Variants in UNC13C observed in about 807,000 individuals in gnomAD.
UNC13C encodes unc-13 homolog C.
UNC13C carries 174 observed loss-of-function variants against 245.4 expected under a neutral mutation model. The ratio of observed to expected loss-of-function variants is 0.71; its 90% CI spans 0.63 to 0.80. The LOEUF (loss-of-function observed/expected upper bound fraction) is 0.80, where lower values mean the gene tolerates loss of function less well. Ranked by LOEUF, UNC13C falls within the 30% of genes least tolerant of loss-of-function variation. The pLI is 0.00. For missense variants in UNC13C, 2,829 were observed against 2,602.9 expected (o/e 1.09, Z -1.89); for synonymous variants, 992 against 895.1 (o/e 1.11, Z -1.93).
chr15:54,569,339 T>G (rs577648052), intron 30 of UNC13C, among the ~76,000 whole-genome samples: 2 of 152,258 alleles, frequency 1.3e-5, no homozygotes, highest in African/African-American at 4.8e-5. Context: ...GTATAGGAGT[T>G]GCATATAACA....
At chr15:54,196,920 T>G (rs964204135) in intron 4 of UNC13C, among the ~76,000 whole-genome samples, 1 of 152,122 alleles carries the variant, frequency 6.6e-6, no homozygotes, top group Non-Finnish European at 1.5e-5. Context: ...AGAAAATGTA[T>G]CTATTATATC....
At chr15:54,285,924 C>G (rs540089050) in intron 10 of UNC13C, among the ~76,000 whole-genome samples, 1 of 152,128 alleles carries the variant, frequency 6.6e-6, no homozygotes, top group Admixed American at 6.6e-5. Context: ...GTCACCCAGG[C>G]TGGAGTGCAG....
intron 2 of UNC13C, among the ~76,000 whole-genome samples, chr15:54,133,253 A>G (rs2031538125): frequency 6.6e-6 from 1 of 152,170 alleles, no homozygotes; most frequent in South Asian, 2.1e-4. Flanking sequence ...TCCGTAGATT[A>G]CGTTCAGATT....
intron 14 of UNC13C, among the ~76,000 whole-genome samples, chr15:54,327,651 C>G (rs1366157615): frequency 6.6e-6 from 1 of 151,980 alleles, no homozygotes; most frequent in African/African-American, 2.4e-5. Flanking sequence ...AAATGAAAGG[C>G]AGGGCTGAAA....
rs577710959 is a variant in UNC13C at position 54,557,996 on chromosome 15, G to A, written c.5958+2484G>A. On this transcript the variant is annotated intron_variant, in intron 29 of 32. Coordinates refer to ENST00000260323, the MANE Select transcript of UNC13C (RefSeq NM_001080534.3). ...AAATCATCATTCTCAGTAAACTATC[G>A]CAAGAACGAAAAACCAAACACCACA... 2.8e-3 allele frequency among the ~76,000 whole-genome samples: 418 copies of A among 151,964 alleles called. 1 individual carries two copies. Among genetic ancestry groups the A allele is most frequent in the African/African-American group, 9.6e-3 (399 of 41,474 alleles).
Position 54,247,308 on chromosome 15 carries a change from CA to C in UNC13C, c.3229-2912del, listed in dbSNP as rs537417508. Among the ~76,000 whole-genome samples, 249 of 152,222 alleles carry C rather than the reference CA, an allele frequency of 1.6e-3. 2 individuals carry two copies. Among genetic ancestry groups the C allele is most frequent in the African/African-American group, 5.7e-3 (238 of 41,538 alleles). On this transcript the variant is annotated intron_variant, in intron 7 of 32. Transcript: ENST00000260323. ...CTCGCTCTTTTCACCTTATTCCACA[CA>C]AAAACCCACACTTTTTCCCTCTTAT...
Position 54,567,731 on chromosome 15 carries a change from T to C in UNC13C, c.5959-69T>C, listed in dbSNP as rs114946046. On this transcript the variant is annotated intron_variant, in intron 29 of 32. Transcript: ENST00000260323. ...GTATTATTCCATTTGAGCTTCTCTATTAGAGTAATAAATTCTGTCTTCCAA... is the reference window on the plus strand; with the variant it reads ...GTATTATTCCATTTGAGCTTCTCTACTAGAGTAATAAATTCTGTCTTCCAA... 2.9e-4 allele frequency: 395 copies of C among 1,375,126 alleles called. No individual in the cohort carries two copies. In the African/African-American group the frequency reaches 5.3e-3, roughly 18 times the overall value. 85.2% of individuals were successfully genotyped at this position (1,375,126 alleles called of 1,614,324 possible). A position where few individuals can be genotyped will look rare whatever the true frequency, so the allele number is the denominator to read the frequency against.
At position 54,350,282 on chromosome 15, in the gene UNC13C, G is replaced by T. The variant is rs529419051; in HGVS notation, c.4713+11793G>T. Among the ~76,000 whole-genome samples the T allele has an allele frequency of 1.8e-4, 27 of 152,230 alleles. No individual in the cohort carries two copies. The South Asian group carries it at 5.6e-3, about 32-fold the overall frequency. On this transcript the variant is annotated intron_variant, in intron 17 of 32. Coordinates refer to ENST00000260323, the MANE Select transcript of UNC13C (RefSeq NM_001080534.3). ...TGGGATTACAGGCGTGAGACCCCAC[G>T]CCTGGCCTATTTTTCTAAAATTTAG...
At chr15:54,615,931 C>G (rs1900405126) in intron 30 of UNC13C, among the ~76,000 whole-genome samples, 1 of 152,046 alleles carries the variant, frequency 6.6e-6, no homozygotes, top group South Asian at 2.1e-4. Context: ...AAATACTAAG[C>G]CTCAACTTCT....
chr15:53,964,420 CAGAGCT>C, the UNC13C span, among the ~76,000 whole-genome samples: 4 of 152,156 alleles, frequency 2.6e-5, no homozygotes, highest in African/African-American at 9.7e-5. Context: ...GCTACTTGCA[CAGAGCT>C]ATCCCTATGG....
At chr15:54,362,590 A>G (rs1449698771) in intron 17 of UNC13C, among the ~76,000 whole-genome samples, 1 of 152,164 alleles carries the variant, frequency 6.6e-6, no homozygotes, top group Non-Finnish European at 1.5e-5. Flanking sequence ...TGCAGGGTTC[A>G]CAAAAACGGA....
chr15:54,279,769 T>G (rs2036927850), intron 10 of UNC13C, among the ~76,000 whole-genome samples: 1 of 152,210 alleles, frequency 6.6e-6, no homozygotes, highest in Non-Finnish European at 1.5e-5. Flanking sequence ...GTCTTTTAGA[T>G]GTGGGAATGT....
At chr15:53,937,363 CT>C in the UNC13C span, among the ~76,000 whole-genome samples, 1 of 152,064 alleles carries the variant, frequency 6.6e-6, no homozygotes, top group African/African-American at 2.4e-5. Flanking sequence ...CAAACAAAAC[CT>C]CCAAGAAATA....
At chr15:53,886,947 A>G in the UNC13C span, among the ~76,000 whole-genome samples, 5 of 152,154 alleles carry the variant, frequency 3.3e-5, no homozygotes, top group Non-Finnish European at 5.9e-5. Flanking sequence ...TTTCAAGGTC[A>G]TCAAAAACAA....
chr15:54,187,439 A>AC (rs2034032047), intron 4 of UNC13C, among the ~76,000 whole-genome samples: 1 of 111,576 alleles, frequency 9.0e-6, no homozygotes. Flanking sequence ...AAAAGGCCTG[A>AC]CCCTTCTCAA....
intron 19 of UNC13C, among the ~76,000 whole-genome samples, chr15:54,429,580 T>C (rs2040828408): frequency 6.6e-6 from 1 of 151,696 alleles, no homozygotes; most frequent in South Asian, 2.1e-4. Context: ...ATAATAGAGG[T>C]GGATAATTTC....
intron 11 of UNC13C, among the ~76,000 whole-genome samples, chr15:54,294,379 C>T (rs1230405007): frequency 2.6e-5 from 4 of 152,008 alleles, no homozygotes; most frequent in Admixed American, 2.0e-4. Context: ...CAAATACATG[C>T]GAAACAAATA....
intron 17 of UNC13C, among the ~76,000 whole-genome samples, chr15:54,348,747 C>G (rs758934459): frequency 4.3e-4 from 65 of 152,030 alleles, no homozygotes; most frequent in Non-Finnish European, 8.2e-4. Context: ...TGGTTTTGCT[C>G]TAGCCAATTT....
chr15:54,430,853 A>C (rs2040856761), intron 19 of UNC13C, among the ~76,000 whole-genome samples: 1 of 151,756 alleles, frequency 6.6e-6, no homozygotes, highest in Admixed American at 6.6e-5. Context: ...ATATTTAAAT[A>C]GCTAATGTAA....
Sources: allele counts gnomAD v4.1 joint callset (sites outside exome capture counted in the v4.1 genomes callset), GRCh38; gene constraint gnomAD v4.1.1; transcripts MANE v1.5; gene names NCBI Gene and HGNC (gene_info 2026-07-23, HGNC 2026-07-21).